The following PCDHA4 variants were observed in gnomAD, a reference collection of about 807,000 sequenced individuals.
PCDHA4 encodes the protein protocadherin alpha 4, also known as protocadherin alpha-4.
PCDHA4 carries 49 observed loss-of-function variants against 61.4 expected under a neutral mutation model. That is an observed-to-expected ratio of 0.80 (90% CI 0.63 to 1.01). The LOEUF is 1.01. PCDHA4 is among the 50% of genes least tolerant of loss of function. The pLI is 0.00. For missense variants in PCDHA4, 1,254 were observed against 1,235.8 expected (o/e 1.01, Z -0.22); for synonymous variants, 590 against 550.3 (o/e 1.07, Z -1.01).
chr5:140,808,156 T>C lies in PCDHA4; in HGVS notation c.969T>C (p.Ile323=). 1 of 1,614,210 alleles carries C rather than the reference T, an allele frequency of 6.2e-7. No homozygotes were observed. The highest frequency in any genetic ancestry group is 1.1e-5 in the South Asian group (1 of 91,084). ...SKSYEIIVEG[I]DKGQLPLSGH... ...CCTATGAAATTATTGTAGAGGGCAT[T>C]GATAAGGGACAGCTCCCACTTTCTG... The change falls in exon 1 of 4, where the codon ATT becomes ATC. Residue 323 remains isoleucine (I), a synonymous_variant. Transcript: ENST00000530339.
Position 140,978,839 on chromosome 5 carries a change from C to CT in PCDHA4, c.2386-104dup, listed in dbSNP as rs5871758. On this transcript the variant is annotated intron_variant, in intron 1 of 3. Transcript: ENST00000530339. ...TACACATGAAATGGCTCATTCAATA[C>CT]TTTTTTAGATGCCTGGAAATATTTA... 14,607 of 1,556,970 alleles carry CT rather than the reference C, an allele frequency of 9.4e-3. 629 individuals carry two copies. The African/African-American group carries it at 0.12, about 13-fold the overall frequency.
At chr5:140,879,854 C>G (rs2058149387) in intron 1 of PCDHA4, among the ~76,000 whole-genome samples, 1 of 152,200 alleles carries the variant, frequency 6.6e-6, no homozygotes, top group African/African-American at 2.4e-5. Context: ...CCCATCTCAG[C>G]CTTCTCAGCT....
At chr5:140,978,240 C>T (rs1290697340) in intron 1 of PCDHA4, among the ~76,000 whole-genome samples, 3 of 152,174 alleles carry the variant, frequency 2.0e-5, no homozygotes, top group African/African-American at 7.2e-5. Context: ...TGGATTTCAG[C>T]TACTCCCTGT....
In PCDHA4 at chr5:140,850,799, C is replaced by T. The variant is rs2150498794; in HGVS notation, c.2385+41227C>T. On this transcript the variant is annotated intron_variant, in intron 1 of 3. Coordinates refer to ENST00000530339, the MANE Select transcript of PCDHA4 (RefSeq NM_018907.4). ...CTGGCGAGGGTAAGCAGAAGACCGA[C>T]CTCATGGCCTTCAGCCCGGGCCTTT... The T allele has an allele frequency of 1.8e-4, 280 of 1,598,266 alleles. 23 individuals are homozygous for T. The Admixed American group carries it at 4.6e-3, about 26-fold the overall frequency.
Position 140,808,584 on chromosome 5 carries a change from A to G in PCDHA4, c.1397A>G (p.Glu466Gly), listed in dbSNP as rs1301708433. 1 of 1,614,032 alleles carries G rather than the reference A, an allele frequency of 6.2e-7. No individual in the cohort carries two copies. The highest frequency in any genetic ancestry group is 2.2e-5 in the East Asian group (1 of 44,878). Residue 466 changes from glutamate to glycine, a missense_variant, in exon 1 of 4, where the codon GAG becomes GGG. Coordinates refer to ENST00000530339, the MANE Select transcript of PCDHA4 (RefSeq NM_018907.4). ...AQPEYTVFVK[E>G]NNPPGCHIFT... ...CCCGAGTACACAGTGTTCGTGAAGG[A>G]GAACAACCCGCCGGGCTGCCACATC...
chr5:140,821,549 A>T (rs1212001307), intron 1 of PCDHA4: 2 of 502,492 alleles, frequency 4.0e-6, no homozygotes, highest in African/African-American at 3.9e-5. Flanking sequence ...CCTTTCATCC[A>T]CATGATGTCG....
chr5:140,911,666 C>G (rs2075593137), intron 1 of PCDHA4, among the ~76,000 whole-genome samples: 1 of 152,168 alleles, frequency 6.6e-6, no homozygotes, highest in East Asian at 1.9e-4. Flanking sequence ...AACTCCTTGC[C>G]TCTCACGAAC....
chr5:140,968,896 A>G (rs2096277975), intron 1 of PCDHA4: 1 of 1,614,240 alleles, frequency 6.2e-7, no homozygotes, highest in Non-Finnish European at 8.5e-7. Context: ...ATCTAATAAT[A>G]GCATTAAGCA....
Position 140,856,043 on chromosome 5 carries a change from G to A in PCDHA4, c.2385+46471G>A. On this transcript the variant is annotated intron_variant, in intron 1 of 3. Coordinates refer to ENST00000530339, the MANE Select transcript of PCDHA4 (RefSeq NM_018907.4). The stretch of plus-strand genomic sequence containing the variant: ...TCGTCGATTTGTAAAACAAGAGAAG[G>A]ATAAGATGGTTTCCAGATGTAGCTG... The A allele has an allele frequency of 3.8e-6, 6 of 1,581,380 alleles. 1 individual carries two copies. The highest frequency in any genetic ancestry group is 5.2e-6 in the Non-Finnish European group (6 of 1,157,972).
intron 1 of PCDHA4, among the ~76,000 whole-genome samples, chr5:140,907,880 A>G (rs2073662183): frequency 6.6e-6 from 1 of 152,236 alleles, no homozygotes; most frequent in Non-Finnish European, 1.5e-5. Flanking sequence ...GAGCACTCAC[A>G]TGGGATACAA....
chr5:140,849,574 A>G (rs2150440972), intron 1 of PCDHA4: 1 of 1,598,696 alleles, frequency 6.3e-7, no homozygotes, highest in East Asian at 2.2e-5. Context: ...GTTCCTGTAA[A>G]AGAGGACGCA....
intron 1 of PCDHA4, chr5:140,830,161 G>T: frequency 6.2e-7 from 1 of 1,613,372 alleles, no homozygotes; most frequent in Non-Finnish European, 8.5e-7. Context: ...CGGGCCCAGA[G>T]GCGGCGCTGG....
chr5:140,846,669 C>T (rs894601442), intron 1 of PCDHA4, among the ~76,000 whole-genome samples: 2 of 149,244 alleles, frequency 1.3e-5, no homozygotes, highest in Non-Finnish European at 3.0e-5. Flanking sequence ...CCACCGCGCC[C>T]AGCCTAAAAT....
chr5:140,851,867 A>T, intron 1 of PCDHA4: 2 of 977,010 alleles, frequency 2.0e-6, no homozygotes, highest in South Asian at 9.5e-5. Context: ...CATACATAAC[A>T]CAAGGCAGAA....
chr5:140,886,455 A>G (rs1554182545), intron 1 of PCDHA4, among the ~76,000 whole-genome samples: 1 of 152,186 alleles, frequency 6.6e-6, no homozygotes, highest in African/African-American at 2.4e-5. Flanking sequence ...ATTTTGTCAT[A>G]TATAAATGTT....
intron 2 of PCDHA4, among the ~76,000 whole-genome samples, chr5:140,979,626 A>T (rs2096859120): frequency 2.0e-5 from 3 of 152,204 alleles, no homozygotes; most frequent in Non-Finnish European, 4.4e-5. Flanking sequence ...TTAGTCTAAG[A>T]CTCAGATTAA....
At chr5:140,966,927 C>A in intron 1 of PCDHA4, 1 of 1,603,516 alleles carries the variant, frequency 6.2e-7, no homozygotes, top group Non-Finnish European at 8.5e-7. Context: ...GAGCAGGCAC[C>A]CGGCGCGCTC....
At chr5:140,863,259 G>T in intron 1 of PCDHA4, 1 of 1,448,654 alleles carries the variant, frequency 6.9e-7, no homozygotes. Context: ...TCGAGGTCCG[G>T]GAGGCAGCGC....
chr5:140,913,572 T>C (rs1000646852), intron 1 of PCDHA4, among the ~76,000 whole-genome samples: 1 of 152,146 alleles, frequency 6.6e-6, no homozygotes, highest in Non-Finnish European at 1.5e-5. Context: ...TTTCATCATT[T>C]CAAATATATT....
Sources: gnomAD v4.1 joint callset for allele counts (sites outside exome capture counted in the v4.1 genomes callset) on GRCh38, gnomAD v4.1.1 for gene constraint, MANE v1.5 for transcripts, NCBI Gene and HGNC (gene_info 2026-07-23, HGNC 2026-07-21) for gene names.